Variants in SLC1A1 observed in about 807,000 individuals in gnomAD.
The protein encoded by SLC1A1 is excitatory amino acid transporter 3.
SLC1A1 carries 43 observed loss-of-function variants against 53.3 expected under a neutral mutation model. The observed-to-expected ratio is 0.81, with a 90% CI of 0.63 to 1.04. The LOEUF is 1.04. Ranked by LOEUF, SLC1A1 falls within the 50% of genes least tolerant of loss-of-function variation. SLC1A1 has a pLI of 0.00. For synonymous variants in SLC1A1, 307 were observed against 243.2 expected, an observed-to-expected ratio of 1.26 and a Z score of -2.44; for missense variants, 748 against 664.9, an observed-to-expected ratio of 1.12 and a Z score of -1.37.
At position 4,544,613 on chromosome 9, in the gene SLC1A1, T is replaced by C. The variant is rs1347276818; in HGVS notation, c.138T>C (p.Thr46=). The change falls in exon 2 of 12, where the codon ACT becomes ACC. Residue 46 remains threonine (T), a synonymous_variant. Transcript: ENST00000262352. The part of the protein sequence containing the change: ...VLVREHSNLS[T]LEKFYFAFPG... ...TTCGAGAACACAGCAACCTCTCAAC[T>C]CTAGAGAAATTCTACTTTGCTTTTC... 1 of 1,613,600 alleles carries C rather than the reference T, an allele frequency of 6.2e-7. No homozygotes were observed. The highest frequency in any genetic ancestry group is 1.7e-5 in the Admixed American group (1 of 60,028).
chr9:4,565,057 A>C (rs1320307001), intron 4 of SLC1A1, among the ~76,000 whole-genome samples: 1 of 152,194 alleles, frequency 6.6e-6, no homozygotes, highest in Non-Finnish European at 1.5e-5. Flanking sequence ...GTTTCTATAG[A>C]ACAGAGCACC....
intron 1 of SLC1A1, among the ~76,000 whole-genome samples, chr9:4,494,981 C>G (rs889076146): frequency 9.9e-5 from 15 of 152,166 alleles, no homozygotes; most frequent in African/African-American, 3.6e-4. Context: ...CTTATTCATT[C>G]TAAATTGTTT....
rs113556003 is a variant in SLC1A1 at position 4,562,715 on chromosome 9, A to G, written c.325+1174A>G. On this transcript the variant is annotated intron_variant, in intron 3 of 11. Transcript: ENST00000262352. The stretch of plus-strand genomic sequence containing the variant: ...AGTTTACTGAGAATGATGATTTCCA[A>G]TTTCAACCATGTCCCTACAAAGGAC... 3.9e-5 allele frequency among the ~76,000 whole-genome samples: 6 copies of G among 152,136 alleles called. 1 individual carries two copies. The highest frequency in any genetic ancestry group is 2.1e-4 in the South Asian group (1 of 4,816).
chr9:4,501,092 C>T (rs571097651), intron 1 of SLC1A1, among the ~76,000 whole-genome samples: 1 of 152,194 alleles, frequency 6.6e-6, no homozygotes, highest in Non-Finnish European at 1.5e-5. Flanking sequence ...TCTCAGAGTC[C>T]CTAACCGTGT....
rs763412826 is a variant in SLC1A1 at position 4,567,677 on chromosome 9, T to C, written c.492T>C (p.Thr164=). 6.2e-7 allele frequency: 1 copy of C among 1,610,226 alleles called. No homozygotes were observed. The highest frequency in any genetic ancestry group is 1.1e-5 in the South Asian group (1 of 90,784). Residue 164 remains threonine (T), a synonymous_variant, in exon 6 of 12, where the codon ACT becomes ACC. Coordinates refer to ENST00000262352, the MANE Select transcript of SLC1A1 (RefSeq NM_004170.6). ...LVQACFQQYK[T]KREEVKPPSD... ...TTTTCTCCAACATGCAGTACAAAAC[T>C]AAGCGTGAAGAAGTGAAGCCTCCCA...
Position 4,583,853 on chromosome 9 carries a change from T to TTCTC in SLC1A1, c.1328+708_1328+711dup, listed in dbSNP as rs373604899. Among the ~76,000 whole-genome samples, 1,116 of 136,956 alleles carry TTCTC rather than the reference T, an allele frequency of 8.1e-3. 7 individuals are homozygous for TTCTC. The highest frequency in any genetic ancestry group is 0.017 in the African/African-American group (630 of 36,228). The allele number at this position is 136,956 out of a possible 152,430, so 89.8% of individuals were successfully genotyped here. On this transcript the variant is annotated intron_variant, in intron 11 of 11. Transcript: ENST00000262352. This position sits in a 1 kb window ranked among gnomAD's most constrained non-coding sequence, Gnocchi z 4.6. ...CCATTCAGGCCCCAATCAACAACAC[T>TTCTC]TCTCTCTCTCTCTCTCTCTCTCTCT...
At chr9:4,550,676 C>G (rs1377238659) in intron 2 of SLC1A1, among the ~76,000 whole-genome samples, 1 of 152,162 alleles carries the variant, frequency 6.6e-6, no homozygotes, top group African/African-American at 2.4e-5. Flanking sequence ...CAGGAATGAG[C>G]CACCACACCT....
chr9:4,551,295 G>A (rs1298334611), intron 2 of SLC1A1, among the ~76,000 whole-genome samples: 1 of 152,026 alleles, frequency 6.6e-6, no homozygotes, highest in Non-Finnish European at 1.5e-5. Flanking sequence ...CCTATGAAAA[G>A]AACCATGCCA....
intron 2 of SLC1A1, among the ~76,000 whole-genome samples, chr9:4,561,033 G>T (rs968120655): frequency 6.6e-6 from 1 of 151,938 alleles, no homozygotes; most frequent in East Asian, 1.9e-4. Flanking sequence ...AACAACAAAC[G>T]ATCTCAGTTC....
chr9:4,587,228 A>G lies in SLC1A1; in HGVS notation c.*1670A>G, dbSNP rs1821632298. The G allele has an allele frequency of 6.6e-6, 1 of 152,408 alleles. No homozygotes were observed. The highest frequency in any genetic ancestry group is 2.4e-5 in the African/African-American group (1 of 41,464). The allele number at this position is 152,408 out of a possible 1,614,324, so 9.4% of individuals were successfully genotyped here. A position where few individuals can be genotyped will look rare whatever the true frequency, so the allele number is the denominator to read the frequency against. Reference sequence around the variant, plus strand: ...TGAATTTTAAAATGCAAATATTGCTATTGTTTATAGGAAATAAATCTAAAT... The same window carrying G: ...TGAATTTTAAAATGCAAATATTGCTGTTGTTTATAGGAAATAAATCTAAAT... On this transcript the variant is annotated 3_prime_UTR_variant, in exon 12 of 12. Coordinates refer to ENST00000262352, the MANE Select transcript of SLC1A1 (RefSeq NM_004170.6).
chr9:4,571,955 T>G (rs1037906723), intron 6 of SLC1A1, among the ~76,000 whole-genome samples: 1 of 152,192 alleles, frequency 6.6e-6, no homozygotes, highest in African/African-American at 2.4e-5. Context: ...GAAATCTTTA[T>G]AAGAAATATT....
At chr9:4,529,254 A>G (rs1249591980) in intron 1 of SLC1A1, among the ~76,000 whole-genome samples, 1 of 152,164 alleles carries the variant, frequency 6.6e-6, no homozygotes, top group African/African-American at 2.4e-5. Flanking sequence ...AGCTTGGCGT[A>G]TGGGATCCTT....
At chr9:4,579,765 C>A (rs1164120380) in intron 10 of SLC1A1, among the ~76,000 whole-genome samples, 1 of 151,986 alleles carries the variant, frequency 6.6e-6, no homozygotes, top group Non-Finnish European at 1.5e-5. Context: ...ATTTTTAGAC[C>A]CAAAGTATAT....
intron 1 of SLC1A1, among the ~76,000 whole-genome samples, chr9:4,511,674 G>C (rs1222192034): frequency 2.6e-5 from 4 of 151,788 alleles, no homozygotes; most frequent in Non-Finnish European, 5.9e-5. Context: ...ATAAGGCAAA[G>C]GTGTCCATTC....
intron 1 of SLC1A1, among the ~76,000 whole-genome samples, chr9:4,496,393 T>C (rs969578979): frequency 4.6e-5 from 7 of 152,046 alleles, no homozygotes; most frequent in African/African-American, 1.7e-4. Context: ...TATTTTTCTT[T>C]CTTTTTTTAA....
chr9:4,530,725 T>C (rs113434188), intron 1 of SLC1A1, among the ~76,000 whole-genome samples: 5 of 152,122 alleles, frequency 3.3e-5, no homozygotes, highest in Admixed American at 1.3e-4. Flanking sequence ...ACAATTATAT[T>C]ATTTTTTAAC....
At position 4,544,582 on chromosome 9, in the gene SLC1A1, T is replaced by A. The variant is rs1253084989; in HGVS notation, c.107T>A (p.Val36Asp). The change falls in exon 2 of 12, where the codon GTC becomes GAC. Residue 36 changes from valine to aspartate, a missense_variant. Coordinates refer to ENST00000262352, the MANE Select transcript of SLC1A1 (RefSeq NM_004170.6). ...TTTTCCTTAGGCATTACCACAGGAG[T>A]CTTGGTTCGAGAACACAGCAACCTC... The part of the protein sequence containing the change: ...AAVVLGITTG[V>D]LVREHSNLST... 6.2e-7 allele frequency: 1 copy of A among 1,613,724 alleles called. No homozygotes were observed. The highest frequency in any genetic ancestry group is 2.2e-5 in the East Asian group (1 of 44,866).
intron 1 of SLC1A1, among the ~76,000 whole-genome samples, chr9:4,516,615 C>T (rs1236330779): frequency 6.6e-6 from 1 of 152,218 alleles, no homozygotes; most frequent in Non-Finnish European, 1.5e-5. Flanking sequence ...TGCCTATAAA[C>T]AGCTGTCAAC....
chr9:4,521,591 G>A (rs1816073216), intron 1 of SLC1A1, among the ~76,000 whole-genome samples: 2 of 152,168 alleles, frequency 1.3e-5, no homozygotes, highest in Admixed American at 1.3e-4. Context: ...TCATCATCCA[G>A]GAAGAATATT....
Sources: gnomAD v4.1 joint callset for allele counts (sites outside exome capture counted in the v4.1 genomes callset) on GRCh38, gnomAD v4.1.1 for gene constraint, Gnocchi (gnomAD v3.1) non-coding constraint, MANE v1.5 for transcripts, NCBI Gene and HGNC (gene_info 2026-07-23, HGNC 2026-07-21) for gene names.